SPAG16: variants seen among roughly 807,000 people sequenced by gnomAD.
SPAG16 encodes sperm-associated antigen 16 protein.
In SPAG16, 86 loss-of-function variants were observed where a neutral mutation model predicts 80.4. The observed-to-expected ratio is 1.07, with a 90% CI of 0.90 to 1.28. SPAG16 has a LOEUF of 1.28. SPAG16 is among the 50% of genes most tolerant of loss of function. SPAG16 has a pLI of 0.00. For synonymous variants in SPAG16, 294 were observed against 265.9 expected (o/e 1.11, Z -1.03); for missense variants, 870 against 765.3 (o/e 1.14, Z -1.61).
chr2:213,521,603 C>T (rs1014095858), intron 10 of SPAG16, among the ~76,000 whole-genome samples: 2 of 152,196 alleles, frequency 1.3e-5, no homozygotes, highest in Admixed American at 6.5e-5. Flanking sequence ...ATGCCTGATG[C>T]AGGACAGATA....
chr2:214,193,647 A>G (rs1014972135), intron 15 of SPAG16, among the ~76,000 whole-genome samples: 2 of 152,012 alleles, frequency 1.3e-5, no homozygotes, highest in Non-Finnish European at 2.9e-5. Flanking sequence ...CCTGAGGATT[A>G]TTGTGAAAAA....
At chr2:213,486,290 T>G (rs2073968508) in intron 9 of SPAG16, among the ~76,000 whole-genome samples, 1 of 152,116 alleles carries the variant, frequency 6.6e-6, no homozygotes, top group Non-Finnish European at 1.5e-5. Flanking sequence ...TCCACTTTTT[T>G]AGCTTCCACA....
At chr2:213,947,139 A>G (rs1431993937) in intron 12 of SPAG16, among the ~76,000 whole-genome samples, 2 of 152,216 alleles carry the variant, frequency 1.3e-5, no homozygotes, top group Non-Finnish European at 2.9e-5. Context: ...AATATCACAG[A>G]TAAAGCTGTA....
At chr2:213,524,354 A>G (rs1008308653) in intron 10 of SPAG16, among the ~76,000 whole-genome samples, 9 of 152,186 alleles carry the variant, frequency 5.9e-5, no homozygotes, top group Non-Finnish European at 1.2e-4. Context: ...TGGAGCCCTC[A>G]TGTAGAACCT....
intron 15 of SPAG16, among the ~76,000 whole-genome samples, chr2:214,288,262 T>C (rs922628935): frequency 3.3e-5 from 5 of 152,222 alleles, no homozygotes; most frequent in African/African-American, 4.8e-5. Context: ...TTTTATTATT[T>C]TTATGGCCAA....
intron 11 of SPAG16, among the ~76,000 whole-genome samples, chr2:213,895,213 A>G (rs2076950623): frequency 6.6e-6 from 1 of 151,916 alleles, no homozygotes; most frequent in Non-Finnish European, 1.5e-5. Flanking sequence ...GTTTAACCAA[A>G]TAAGTTAAAT....
intron 12 of SPAG16, among the ~76,000 whole-genome samples, chr2:213,933,789 G>C (rs542492279): frequency 1.3e-5 from 2 of 152,346 alleles, no homozygotes; most frequent in East Asian, 3.9e-4. Flanking sequence ...GGAAAATAAA[G>C]AAGGTTTAAG....
chr2:213,456,986 A>ATT (rs932669036), intron 9 of SPAG16, among the ~76,000 whole-genome samples: 1 of 141,078 alleles, frequency 7.1e-6, no homozygotes, highest in South Asian at 2.2e-4. Context: ...TGTGTCCTTC[A>ATT]TTTTTTTTTT....
At chr2:214,313,019 AATG>A (rs1460774578) in intron 15 of SPAG16, among the ~76,000 whole-genome samples, 1 of 152,156 alleles carries the variant, frequency 6.6e-6, no homozygotes, top group Non-Finnish European at 1.5e-5. Context: ...GTATTAAAAA[AATG>A]ATGACAGGAA....
chr2:214,112,723 G>A (rs940216030), intron 14 of SPAG16, among the ~76,000 whole-genome samples: 2 of 148,822 alleles, frequency 1.3e-5, no homozygotes, highest in African/African-American at 4.9e-5. Flanking sequence ...GTCTCTGCAG[G>A]TGAGATGGGT....
chr2:213,686,110 A>G (rs73086636), intron 10 of SPAG16, among the ~76,000 whole-genome samples: 11,371 of 152,134 alleles, frequency 0.075, 1,412 homozygotes, highest in African/African-American at 0.26. Context: ...TAGTTCCTCT[A>G]TGTGTTACTT....
At chr2:214,214,198 T>TTTTTTTTTTTA (rs1164264413) in intron 15 of SPAG16, among the ~76,000 whole-genome samples, 4 of 151,460 alleles carry the variant, frequency 2.6e-5, no homozygotes, top group African/African-American at 7.3e-5. Flanking sequence ...TTTTTTTTTT[T>TTTTTTTTTTTA]GAGACAGAGT....
chr2:213,468,166 T>C (rs1018912288), intron 9 of SPAG16, among the ~76,000 whole-genome samples: 1 of 152,156 alleles, frequency 6.6e-6, no homozygotes, highest in East Asian at 1.9e-4. Flanking sequence ...GTACCAAGGC[T>C]TCTCTTAGCC....
At chr2:213,364,690 G>T (rs2066184838) in intron 8 of SPAG16, 1 of 152,258 alleles carries the variant, frequency 6.6e-6, no homozygotes, top group Admixed American at 6.5e-5. Context: ...GCTGCAATGA[G>T]GAGTGGCTCA....
At chr2:213,996,591 T>C (rs1239993464) in intron 12 of SPAG16, among the ~76,000 whole-genome samples, 2 of 140,952 alleles carry the variant, frequency 1.4e-5, no homozygotes, top group Non-Finnish European at 3.1e-5. Flanking sequence ...TTTTTTGAGA[T>C]GGAGTCTCTC....
At chr2:213,680,636 C>A (rs1413591946) in intron 10 of SPAG16, among the ~76,000 whole-genome samples, 4 of 152,122 alleles carry the variant, frequency 2.6e-5, no homozygotes, top group East Asian at 1.9e-4. Flanking sequence ...CTTACACTTT[C>A]TCTTCCTAAT....
At chr2:213,732,411 C>G (rs1203162816) in intron 10 of SPAG16, among the ~76,000 whole-genome samples, 2 of 152,096 alleles carry the variant, frequency 1.3e-5, no homozygotes, top group African/African-American at 4.8e-5. Flanking sequence ...AACTACAAGC[C>G]ACTGCTCAAA....
chr2:213,440,072 A>G (rs2070849239), intron 9 of SPAG16, among the ~76,000 whole-genome samples: 1 of 152,116 alleles, frequency 6.6e-6, no homozygotes, highest in Non-Finnish European at 1.5e-5. Context: ...AGGCTAATCC[A>G]TATATCTATA....
intron 15 of SPAG16, among the ~76,000 whole-genome samples, chr2:214,321,145 C>T (rs1179943763): frequency 6.6e-6 from 1 of 152,054 alleles, no homozygotes; most frequent in Non-Finnish European, 1.5e-5. Flanking sequence ...AAGATAATGG[C>T]TATCAGAGAA....
Sources: allele counts gnomAD v4.1 joint callset (sites outside exome capture counted in the v4.1 genomes callset), GRCh38; gene constraint gnomAD v4.1.1; transcripts MANE v1.5; gene names NCBI Gene and HGNC (gene_info 2026-07-23, HGNC 2026-07-21).